LINS1: variants seen among roughly 807,000 people sequenced by gnomAD.
LINS1 encodes protein Lines homolog 1.
In LINS1, 27 loss-of-function variants were observed where a neutral mutation model predicts 41.6. The observed-to-expected ratio is 0.65, with a 90% confidence interval of 0.48 to 0.89. The LOEUF (loss-of-function observed/expected upper bound fraction) is 0.89, where lower values mean the gene tolerates loss of function less well. LINS1 is among the 40% of genes least tolerant of loss of function. LINS1 has a pLI of 0.00. For synonymous variants in LINS1, 336 were observed against 312.9 expected, an observed-to-expected ratio of 1.07 and a Z score of -0.78; for missense variants, 955 against 884.1, an observed-to-expected ratio of 1.08 and a Z score of -1.02.
intron 1 of LINS1, among the ~76,000 whole-genome samples, chr15:100,585,999 G>A (rs144855319): frequency 1.8e-4 from 28 of 152,256 alleles, no homozygotes; most frequent in Non-Finnish European, 2.5e-4. Context: ...TGCATGCCTT[G>A]TTTTTTTGAC....
intron 1 of LINS1, among the ~76,000 whole-genome samples, chr15:100,594,286 G>A (rs553377552): frequency 6.6e-6 from 1 of 152,014 alleles, no homozygotes; most frequent in Non-Finnish European, 1.5e-5. Context: ...TGTGGAACCC[G>A]TGGATCCAGA....
At chr15:100,570,425 G>A (rs1436879845) in intron 6 of LINS1, 2 of 248,922 alleles carry the variant, frequency 8.0e-6, no homozygotes, top group Admixed American at 1.0e-4. Context: ...CATGTGGTAA[G>A]ATAATTCCTA....
intron 1 of LINS1, among the ~76,000 whole-genome samples, chr15:100,583,455 A>G (rs2038661169): frequency 6.6e-6 from 1 of 151,938 alleles, no homozygotes; most frequent in South Asian, 2.1e-4. Context: ...AACTTTTGAT[A>G]AGTTTTCTCT....
In LINS1 at chr15:100,568,285, G is replaced by A. The variant is rs1372753606; in HGVS notation, c.*953C>T. On this transcript the variant is annotated 3_prime_UTR_variant, in exon 7 of 7. Transcript: ENST00000314742. The stretch of plus-strand genomic sequence containing the variant: ...CCAGAAGGAAATAGTAACTGTATTT[G>A]GTTAGTGACTCTCCTGGATTCAAGT... 6.6e-6 allele frequency: 1 copy of A among 152,156 alleles called. No homozygotes were observed. The highest frequency in any genetic ancestry group is 1.5e-5 in the Non-Finnish European group (1 of 68,032). 9.4% of individuals were successfully genotyped at this position (152,156 alleles called of 1,614,324 possible).
Position 100,569,350 on chromosome 15 carries a change from T to C in LINS1, c.2162A>G (p.Asp721Gly), listed in dbSNP as rs2037672299. The C allele has an allele frequency of 6.2e-7, 1 of 1,614,192 alleles. No individual in the cohort carries two copies. Among genetic ancestry groups the C allele is most frequent in the Admixed American group, 1.7e-5 (1 of 60,022 alleles). ...RIVKCFQELQ[D>G]AICRLQKKNL... is the part of the protein sequence containing the mutation. The stretch of plus-strand genomic sequence containing the variant: ...TTTCTTTTGCAAACGGCAGATGGCA[T>C]CTTGTAGTTCCTGGAAGCATTTTAC... Residue 721 changes from aspartate to glycine, a missense_variant, in exon 7 of 7, where the codon GAT (aspartate) becomes GGT (glycine). Transcript: ENST00000314742.
At chr15:100,572,628 A>G (rs986362835) in intron 5 of LINS1, 14 of 986,968 alleles carry the variant, frequency 1.4e-5, no homozygotes, top group South Asian at 4.5e-5. Flanking sequence ...AATTATAACT[A>G]ATGTGTAGTT....
chr15:100,577,599 C>G (rs979840834), intron 3 of LINS1, among the ~76,000 whole-genome samples: 1 of 152,154 alleles, frequency 6.6e-6, no homozygotes, highest in Admixed American at 6.5e-5. Context: ...CCATACTGCC[C>G]AAGGTAGTTT....
intron 1 of LINS1, among the ~76,000 whole-genome samples, chr15:100,594,021 C>G (rs1272172956): frequency 1.3e-5 from 2 of 152,144 alleles, no homozygotes; most frequent in Non-Finnish European, 2.9e-5. Flanking sequence ...GGTTCCAAAA[C>G]CCACCAAGGA....
At chr15:100,591,657 C>T (rs1429810720) in intron 1 of LINS1, among the ~76,000 whole-genome samples, 1 of 152,168 alleles carries the variant, frequency 6.6e-6, no homozygotes, top group Admixed American at 6.5e-5. Flanking sequence ...TAGGTATCCA[C>T]TCCCTGAAGT....
chr15:100,589,706 C>T (rs1328124769), intron 1 of LINS1, among the ~76,000 whole-genome samples: 1 of 152,136 alleles, frequency 6.6e-6, no homozygotes, highest in Non-Finnish European at 1.5e-5. Flanking sequence ...GGCCCATATT[C>T]CTGGGAAAAT....
At chr15:100,573,289 A>T (rs2037948093) in intron 5 of LINS1, 1 of 818,274 alleles carries the variant, frequency 1.2e-6, no homozygotes, top group East Asian at 7.9e-5. Flanking sequence ...GCAGTGGGCC[A>T]TGGTCACGCA....
In LINS1 at chr15:100,570,031, A is replaced by G. The variant is rs772460402; in HGVS notation, c.1481T>C (p.Ile494Thr). 85 of 1,556,874 alleles carry G rather than the reference A, an allele frequency of 5.5e-5. No homozygotes were observed. In the Middle Eastern group the frequency reaches 4.3e-3, roughly 79 times the overall value. The part of the protein sequence containing the change: ...THENGYNPHC[I>T]FLFFLKNIGF... ...TATATTTTTCAAGAAGAACAAGAAA[A>G]TACAGTGAGGATTATAGCCATTTTC... is the stretch of plus-strand genomic sequence containing the variant. The change falls in exon 7 of 7, where the codon ATT becomes ACT. Residue 494 changes from isoleucine (I) to threonine (T), a missense_variant. Physicochemically the swap from Ile to Thr is moderately conservative, Grantham distance 89. Transcript: ENST00000314742.
At chr15:100,591,761 T>C (rs1240798553) in intron 1 of LINS1, among the ~76,000 whole-genome samples, 1 of 152,168 alleles carries the variant, frequency 6.6e-6, no homozygotes, top group African/African-American at 2.4e-5. Context: ...CCACTACCCC[T>C]GGCCATCAAG....
Position 100,568,368 on chromosome 15 carries a change from CA to C in LINS1, c.*869del, listed in dbSNP as rs2037629851. 6.6e-6 allele frequency: 1 copy of C among 152,204 alleles called. No homozygotes were observed. The highest frequency in any genetic ancestry group is 6.5e-5 in the Admixed American group (1 of 15,282). 9.4% of individuals were successfully genotyped at this position (152,204 alleles called of 1,614,324 possible). ...GGATTAGGGTCTTTGCAGCTGTCAT[CA>C]AGTTGAGATCATACTGGATGAGGGT... On this transcript the variant is annotated 3_prime_UTR_variant, in exon 7 of 7. Coordinates refer to ENST00000314742, the MANE Select transcript of LINS1 (RefSeq NM_001040616.3).
chr15:100,596,002 T>A (rs1037959337), intron 1 of LINS1, among the ~76,000 whole-genome samples: 1 of 152,340 alleles, frequency 6.6e-6, no homozygotes, highest in East Asian at 1.9e-4. Context: ...GGCAGATATC[T>A]TCCGACAGCA....
chr15:100,573,769 T>A lies in LINS1; in HGVS notation c.1104A>T (p.Gln368His). The change falls in exon 5 of 7, where the codon CAA becomes CAT. Residue 368 changes from glutamine to histidine, a missense_variant. Coordinates refer to ENST00000314742, the MANE Select transcript of LINS1 (RefSeq NM_001040616.3). ...KHSFFGGDEV[Q>H]PECELITSPD... ...GACTAGTGATAAGTTCACATTCAGGTTGAACTTCATCACCTCCAAAAAAGG... is the reference window on the plus strand; with the variant it reads ...GACTAGTGATAAGTTCACATTCAGGATGAACTTCATCACCTCCAAAAAAGG... 1.2e-6 allele frequency: 2 copies of A among 1,613,936 alleles called. No individual in the cohort carries two copies. The highest frequency in any genetic ancestry group is 1.7e-6 in the Non-Finnish European group (2 of 1,179,762).
chr15:100,594,221 T>C (rs2039152015), intron 1 of LINS1, among the ~76,000 whole-genome samples: 2 of 152,228 alleles, frequency 1.3e-5, no homozygotes, highest in Non-Finnish European at 1.5e-5. Context: ...TATTGTATTG[T>C]TATTTTTTAT....
At chr15:100,570,395 T>C (rs2037758229) in intron 6 of LINS1, 1 of 305,548 alleles carries the variant, frequency 3.3e-6, no homozygotes, top group African/African-American at 2.2e-5. Flanking sequence ...GAACTCCTCA[T>C]TCTTATAGGT....
At chr15:100,582,775 G>C (rs916796820) in intron 1 of LINS1, among the ~76,000 whole-genome samples, 2 of 145,432 alleles carry the variant, frequency 1.4e-5, no homozygotes, top group Non-Finnish European at 1.5e-5. Context: ...CCTAGTCTTG[G>C]TCTTACACTG....
Sources: gnomAD v4.1 joint callset for allele counts (sites outside exome capture counted in the v4.1 genomes callset) on GRCh38, gnomAD v4.1.1 for gene constraint, MANE v1.5 for transcripts, NCBI Gene and HGNC (gene_info 2026-07-23, HGNC 2026-07-21) for gene names.